The following ATP13A4 variants were observed in gnomAD, a reference collection of about 807,000 sequenced individuals.
ATP13A4 encodes the protein probable cation-transporting ATPase 13A4.
ATP13A4 carries 114 observed loss-of-function variants against 142.5 expected under a neutral mutation model. The ratio of observed to expected loss-of-function variants is 0.80; its 90% CI spans 0.69 to 0.93. The LOEUF (loss-of-function observed/expected upper bound fraction) is 0.93. ATP13A4 is among the 40% of genes least tolerant of loss of function. The pLI is 0.00. For synonymous variants in ATP13A4, 488 were observed against 514.8 expected (o/e 0.95, Z 0.70); for missense variants, 1,392 against 1,454.0 (o/e 0.96, Z 0.69).
chr3:193,519,923 G>A (rs1721628701), intron 1 of ATP13A4, among the ~76,000 whole-genome samples: 1 of 151,974 alleles, frequency 6.6e-6, no homozygotes, highest in Non-Finnish European at 1.5e-5. Context: ...GGGATTACAG[G>A]CGTGAACCAC....
intron 25 of ATP13A4, among the ~76,000 whole-genome samples, chr3:193,429,026 G>T (rs1715828234): frequency 6.6e-6 from 1 of 152,028 alleles, no homozygotes; most frequent in African/African-American, 2.4e-5. Flanking sequence ...AAGAAGACAT[G>T]TAAATGGCTG....
Position 193,573,283 on chromosome 3 carries a change from A to ATATG in ATP13A4, n.291+8423_291+8424insCATA, listed in dbSNP as rs1560287254. Among the ~76,000 whole-genome samples, 153 of 95,494 alleles carry ATATG rather than the reference A, an allele frequency of 1.6e-3. 3 individuals carry two copies. The highest frequency in any genetic ancestry group is 6.7e-3 in the African/African-American group (136 of 20,294). The allele number at this position is 95,494 out of a possible 152,430, so 62.6% of individuals were successfully genotyped here. On this transcript the variant is annotated intron_variant and non_coding_transcript_variant, in intron 2 of 3. Coordinates refer to the ATP13A4 transcript ENST00000489140. ...GCCATATATATATATATACATATAT[A>ATATG]TATATACACATATATATATATATAC...
At chr3:193,576,781 C>G (rs946438751) in intron 2 of ATP13A4, among the ~76,000 whole-genome samples, 1 of 152,082 alleles carries the variant, frequency 6.6e-6, no homozygotes, top group Non-Finnish European at 1.5e-5. Flanking sequence ...GACCTGGAGG[C>G]TAAGCAGAAA....
At chr3:193,584,671 T>C (rs930422642) in intron 1 of ATP13A4, among the ~76,000 whole-genome samples, 10 of 152,046 alleles carry the variant, frequency 6.6e-5, no homozygotes, top group Non-Finnish European at 1.5e-5. Flanking sequence ...AAACTTTCAA[T>C]ACATGCAAAG....
chr3:193,448,014 G>A (rs1349355866), intron 18 of ATP13A4, among the ~76,000 whole-genome samples, 192 bp downstream of exon 18: 1 of 152,160 alleles, frequency 6.6e-6, no homozygotes, highest in Non-Finnish European at 1.5e-5. Context: ...TGACTGATTG[G>A]TTGATCTTCT....
At chr3:193,453,211 G>A (rs1285526009) in intron 17 of ATP13A4, among the ~76,000 whole-genome samples, 2 of 151,844 alleles carry the variant, frequency 1.3e-5, no homozygotes, top group Non-Finnish European at 2.9e-5. Flanking sequence ...CTATATAATG[G>A]GTTATTATAT....
Position 193,402,736 on chromosome 3 carries a change from T to C in ATP13A4, c.3507A>G (p.Gln1169=). 1 of 1,593,510 alleles carries C rather than the reference T, an allele frequency of 6.3e-7. No homozygotes were observed. The highest frequency in any genetic ancestry group is 8.6e-7 in the Non-Finnish European group (1 of 1,161,316). The part of the protein sequence containing the change: ...ANDPSWPPLN[Q]TSHSDMPECG... ...ACTCCGGCATGTCAGAGTGGGAGGT[T>C]TGGTTTAGCGGGGGCCAACTAGGGT... is the stretch of plus-strand genomic sequence containing the variant. Residue 1169 remains glutamine (Q), a synonymous_variant, in exon 30 of 30, where the codon CAA becomes CAG. Transcript: ENST00000342695.
intron 1 of ATP13A4, among the ~76,000 whole-genome samples, chr3:193,590,046 G>A (rs1577092529): frequency 7.1e-6 from 1 of 141,168 alleles, no homozygotes; most frequent in South Asian, 2.4e-4. Context: ...TTTTCATATT[G>A]TAATCATCCA....
intron 1 of ATP13A4, among the ~76,000 whole-genome samples, chr3:193,582,930 C>T (rs1220849899): frequency 1.7e-5 from 1 of 58,014 alleles, no homozygotes; most frequent in African/African-American, 1.1e-4. Context: ...ATGTATATTA[C>T]ATATATAAAA....
At chr3:193,569,145 A>G (rs1724203794) in intron 2 of ATP13A4, among the ~76,000 whole-genome samples, 1 of 152,242 alleles carries the variant, frequency 6.6e-6, no homozygotes, top group South Asian at 2.1e-4. Context: ...GTGGCAAGTC[A>G]TGCTGAGAGT....
At chr3:193,407,064 G>T (rs1386597555) in intron 29 of ATP13A4, among the ~76,000 whole-genome samples, 1 of 152,140 alleles carries the variant, frequency 6.6e-6, no homozygotes, top group Non-Finnish European at 1.5e-5. Flanking sequence ...TTTGGAAATT[G>T]TAGAAATGAA....
At position 193,399,378 on chromosome 3, in the gene ATP13A4, A is replaced by T. The variant is rs1309759596; in HGVS notation, c.*3274T>A. On this transcript the variant is annotated 3_prime_UTR_variant, in exon 30 of 30. Coordinates refer to ENST00000342695, the MANE Select transcript of ATP13A4 (RefSeq NM_032279.4). ...AGTATTACCCCAGCTTCAATCTGAC[A>T]ATCAGGACCCCTACTCTGCCCCTCT... Among the ~76,000 whole-genome samples, 1 of 152,168 alleles carries T rather than the reference A, an allele frequency of 6.6e-6. No individual in the cohort carries two copies.
intron 25 of ATP13A4, chr3:193,417,226 G>C (rs1049879820): frequency 2.6e-5 from 4 of 152,132 alleles, no homozygotes; most frequent in South Asian, 4.1e-4. Flanking sequence ...AAATGCTAAA[G>C]GGCTCAGATT....
At chr3:193,568,711 T>C (rs577557490) in intron 2 of ATP13A4, among the ~76,000 whole-genome samples, 1 of 152,166 alleles carries the variant, frequency 6.6e-6, no homozygotes, top group East Asian at 1.9e-4. Context: ...GACACAAATA[T>C]ACAAGATGAG....
chr3:193,400,750 T>C lies in ATP13A4; in HGVS notation c.*1902A>G, dbSNP rs1252097182. On this transcript the variant is annotated 3_prime_UTR_variant, in exon 30 of 30. Transcript: ENST00000342695. ...ATTCAGGTGAGTTAGTGGAGGTGAA[T>C]GCACTTAGCAAAGGGCACATTTAAG... Among the ~76,000 whole-genome samples, 1 of 152,202 alleles carries C rather than the reference T, an allele frequency of 6.6e-6. No homozygotes were observed. The highest frequency in any genetic ancestry group is 1.5e-5 in the Non-Finnish European group (1 of 68,030).
chr3:193,453,386 G>GT (rs1386173082), intron 17 of ATP13A4, among the ~76,000 whole-genome samples: 1 of 152,000 alleles, frequency 6.6e-6, no homozygotes, highest in Non-Finnish European at 1.5e-5. Context: ...GATTAGCTCC[G>GT]TAACAGCATA....
chr3:193,590,206 A>G (rs1282969113), intron 1 of ATP13A4, among the ~76,000 whole-genome samples: 1 of 152,198 alleles, frequency 6.6e-6, no homozygotes, highest in East Asian at 1.9e-4. Flanking sequence ...CTCTGAGGTT[A>G]GAGGTTTTTA....
At chr3:193,509,753 G>A (rs1043237101) in intron 2 of ATP13A4, among the ~76,000 whole-genome samples, 1 of 152,190 alleles carries the variant, frequency 6.6e-6, no homozygotes, top group Non-Finnish European at 1.5e-5. Context: ...AGACTTAACA[G>A]AGAAGGTGAT....
At chr3:193,562,688 G>A (rs1724045100) in intron 2 of ATP13A4, among the ~76,000 whole-genome samples, 1 of 152,094 alleles carries the variant, frequency 6.6e-6, no homozygotes, top group Non-Finnish European at 1.5e-5. Flanking sequence ...TGGCTAACAC[G>A]ATGAAACCCC....
Sources: gnomAD v4.1 joint callset for allele counts (sites outside exome capture counted in the v4.1 genomes callset) on GRCh38, gnomAD v4.1.1 for gene constraint, MANE v1.5 for transcripts, NCBI Gene and HGNC (gene_info 2026-07-23, HGNC 2026-07-21) for gene names.